The following PHTF1 variants were observed in gnomAD, a reference collection of about 807,000 sequenced individuals.
PHTF1 encodes the protein protein PHTF1.
In PHTF1, 88 loss-of-function variants were observed where a neutral mutation model predicts 102.4. The observed-to-expected ratio is 0.86, with a 90% CI of 0.72 to 1.03. The LOEUF (loss-of-function observed/expected upper bound fraction) is 1.03, where lower values mean the gene tolerates loss of function less well. Ranked by LOEUF, PHTF1 falls within the 50% of genes least tolerant of loss-of-function variation. The pLI is 0.00. For synonymous variants in PHTF1, 289 were observed against 305.2 expected (o/e 0.95, Z 0.55); for missense variants, 814 against 909.5 (o/e 0.89, Z 1.35).
In PHTF1 at chr1:113,711,751, T is replaced by C; in HGVS notation, c.1042A>G (p.Ser348Gly). 6.2e-7 allele frequency: 1 copy of C among 1,611,364 alleles called. No homozygotes were observed. The highest frequency in any genetic ancestry group is 8.5e-7 in the Non-Finnish European group (1 of 1,177,434). ...TTCTCAAAGGGATACTTTACCTGGCTGAAGGCTGCTGATTCAAATTCTGAT... is the reference window on the plus strand; with the variant it reads ...TTCTCAAAGGGATACTTTACCTGGCCGAAGGCTGCTGATTCAAATTCTGAT... Reference protein sequence around the residue: ...AESEFESAAFSQGSRSGVSGG... With the variant: ...AESEFESAAFGQGSRSGVSGG... The change falls in exon 10 of 19, where the codon AGC (serine) becomes GGC (glycine). Residue 348 changes from serine to glycine, a missense_variant. Physicochemically the swap from Ser to Gly is moderately conservative, Grantham distance 56. Transcript: ENST00000369604.
At chr1:113,734,512 T>A (rs1440573537) in intron 5 of PHTF1, among the ~76,000 whole-genome samples, 2 of 152,228 alleles carry the variant, frequency 1.3e-5, no homozygotes, top group Non-Finnish European at 2.9e-5. Context: ...TAGGATTCTG[T>A]GGAAAGTGAA....
At chr1:113,753,836 A>G (rs1658458097) in intron 3 of PHTF1, among the ~76,000 whole-genome samples, 1 of 151,616 alleles carries the variant, frequency 6.6e-6, no homozygotes, top group East Asian at 1.9e-4. Context: ...CATCATGGCC[A>G]GCTAACTTAT....
At position 113,701,826 on chromosome 1, in the gene PHTF1, T is replaced by TAAAAAAAAAAAAAA. The variant is rs34844793; in HGVS notation, c.1891-891_1891-878dup. On this transcript the variant is annotated intron_variant, in intron 15 of 18. Coordinates refer to ENST00000369604, the MANE Select transcript of PHTF1 (RefSeq NM_001323043.2). ...TGGCAACCTGGAATTCAATTCCTGG[T>TAAAAAAAAAAAAAA]AAAAAAAAAAAAAAAAAAAAAAAAA... Among the ~76,000 whole-genome samples, 18 of 27,996 alleles carry TAAAAAAAAAAAAAA rather than the reference T, an allele frequency of 6.4e-4. 2 individuals carry two copies. Among genetic ancestry groups the TAAAAAAAAAAAAAA allele is most frequent in the Non-Finnish European group, 1.2e-3 (18 of 15,202 alleles). 18.4% of individuals were successfully genotyped at this position (27,996 alleles called of 152,430 possible). A position where few individuals can be genotyped will look rare whatever the true frequency, so the allele number is the denominator to read the frequency against.
intron 7 of PHTF1, among the ~76,000 whole-genome samples, chr1:113,718,591 G>C (rs1652436786): frequency 6.6e-6 from 1 of 152,218 alleles, no homozygotes; most frequent in African/African-American, 2.4e-5. Context: ...TATTGCCTGG[G>C]CATCCATCTT....
At position 113,704,165 on chromosome 1, in the gene PHTF1, T is replaced by C. The variant is rs1452454449; in HGVS notation, c.1806A>G (p.Arg602=). The change falls in exon 15 of 19, where the codon AGA becomes AGG. Residue 602 remains arginine (R), a splice_region_variant and synonymous_variant. Coordinates refer to ENST00000369604, the MANE Select transcript of PHTF1 (RefSeq NM_001323043.2). ...IWLSLRSYLK[R]RGPQRSVDVV... Reference sequence around the variant, plus strand: ...CATCAACTGAACGCTGTGGCCCCCGTCTCTGTGGAGTGAGACACATGTGTT... The same window carrying C: ...CATCAACTGAACGCTGTGGCCCCCGCCTCTGTGGAGTGAGACACATGTGTT... 1 of 1,609,662 alleles carries C rather than the reference T, an allele frequency of 6.2e-7. No homozygotes were observed. Among genetic ancestry groups the C allele is most frequent in the East Asian group, 2.2e-5 (1 of 44,854 alleles).
chr1:113,717,557 CAGG>C (rs1181039946), intron 7 of PHTF1, among the ~76,000 whole-genome samples: 9 of 152,026 alleles, frequency 5.9e-5, no homozygotes, highest in Admixed American at 5.2e-4. Context: ...TAAAAATTAG[CAGG>C]AGTAGTGTAT....
intron 5 of PHTF1, among the ~76,000 whole-genome samples, chr1:113,730,031 T>G (rs748909125): frequency 6.6e-6 from 1 of 152,204 alleles, no homozygotes; most frequent in Non-Finnish European, 1.5e-5. Flanking sequence ...AATTGTAAGT[T>G]TAGCACTTTC....
At chr1:113,704,985 A>G (rs1325519005) in intron 13 of PHTF1, among the ~76,000 whole-genome samples, 188 bp from the exon 14 acceptor site, 1 of 152,256 alleles carries the variant, frequency 6.6e-6, no homozygotes, top group Non-Finnish European at 1.5e-5. Context: ...AGCACATTAC[A>G]TAGTAACATA....
rs1649006919 is a variant in PHTF1, at chr1:113,698,197, AAC to A, written c.2268+63_2268+64del. 8 of 1,191,912 alleles carry A rather than the reference AAC, an allele frequency of 6.7e-6. 1 individual carries two copies. The highest frequency in any genetic ancestry group is 6.1e-5 in the African/African-American group (4 of 65,678). 73.8% of individuals were successfully genotyped at this position (1,191,912 alleles called of 1,614,324 possible). On this transcript the variant is annotated intron_variant, in intron 18 of 18. Transcript: ENST00000369604. ...CACACACACACACACACGTGTGAAG[AAC>A]ACAGATTTCTGTACATAGTAATTTT...
At chr1:113,731,318 C>T (rs577280562) in intron 5 of PHTF1, among the ~76,000 whole-genome samples, 13 of 151,948 alleles carry the variant, frequency 8.6e-5, no homozygotes, top group South Asian at 2.1e-4. Context: ...GATCACTTGA[C>T]GCCAGGAGTT....
At chr1:113,725,807 CA>C (rs564413306) in intron 6 of PHTF1, 25 of 146,782 alleles carry the variant, frequency 1.7e-4, no homozygotes, top group East Asian at 9.9e-4. Context: ...CTACTAAATT[CA>C]AAAAAAAAAA....
At chr1:113,719,528 A>G (rs1202354010) in intron 7 of PHTF1, among the ~76,000 whole-genome samples, 1 of 152,176 alleles carries the variant, frequency 6.6e-6, no homozygotes, top group Non-Finnish European at 1.5e-5. Context: ...TTGCTAAAAC[A>G]TAACAAGAGT....
At position 113,758,421 on chromosome 1, in the gene PHTF1, G is replaced by C. The variant is rs565876658; in HGVS notation, c.45+238C>G. On this transcript the variant is annotated intron_variant, in intron 2 of 18. Coordinates refer to ENST00000369604, the MANE Select transcript of PHTF1 (RefSeq NM_001323043.2). The stretch of plus-strand genomic sequence containing the variant: ...CAGAAGCAAACTTTCAAAGCATTGC[G>C]GTGGCATTGTGTATGCAGCCTGAAG... 4.0e-5 allele frequency among the ~76,000 whole-genome samples: 6 copies of C among 151,766 alleles called. No individual in the cohort carries two copies. In the East Asian group the frequency reaches 1.2e-3, roughly 29 times the overall value.
chr1:113,740,803 G>A (rs1656230566), intron 3 of PHTF1, among the ~76,000 whole-genome samples: 1 of 150,100 alleles, frequency 6.7e-6, no homozygotes, highest in South Asian at 2.1e-4. Flanking sequence ...GGGCCAAGGT[G>A]GGAGGATACT....
intron 7 of PHTF1, among the ~76,000 whole-genome samples, chr1:113,721,718 C>T (rs1652974876): frequency 6.6e-6 from 1 of 152,072 alleles, no homozygotes. Context: ...GAGACAGAGT[C>T]TTGCTCTGTC....
chr1:113,711,647 A>G, intron 10 of PHTF1, 99 bp downstream of exon 10: 1 of 838,886 alleles, frequency 1.2e-6, no homozygotes, highest in Non-Finnish European at 2.0e-6. Context: ...GCTGGCAAAT[A>G]TTAATGTAAA....
intron 5 of PHTF1, among the ~76,000 whole-genome samples, chr1:113,729,041 G>A (rs936881754): frequency 3.3e-5 from 5 of 152,172 alleles, no homozygotes; most frequent in East Asian, 1.9e-4. Context: ...GCAGATGAAC[G>A]GATAAAGAAA....
intron 3 of PHTF1, among the ~76,000 whole-genome samples, chr1:113,752,271 A>C (rs1350291313): frequency 6.6e-6 from 1 of 151,000 alleles, no homozygotes; most frequent in East Asian, 1.9e-4. Context: ...CTATTATAAA[A>C]TTGTTTTCTT....
intron 3 of PHTF1, among the ~76,000 whole-genome samples, chr1:113,742,799 G>C (rs1265118360): frequency 6.6e-6 from 1 of 152,026 alleles, no homozygotes; most frequent in Non-Finnish European, 1.5e-5. Context: ...CATAAACATA[G>C]GCTACACATT....
Sources: allele counts gnomAD v4.1 joint callset (sites outside exome capture counted in the v4.1 genomes callset), GRCh38; gene constraint gnomAD v4.1.1; transcripts MANE v1.5; gene names NCBI Gene and HGNC (gene_info 2026-07-23, HGNC 2026-07-21).